The following KRT23 variants were observed in gnomAD, a reference collection of about 807,000 sequenced individuals.
KRT23 encodes the protein keratin, type I cytoskeletal 23.
A neutral mutation model predicts 47.6 loss-of-function variants in KRT23; 38 were observed. The observed-to-expected ratio is 0.80, with a 90% CI of 0.62 to 1.05. The LOEUF is 1.05. Ranked by LOEUF, KRT23 falls within the 50% of genes least tolerant of loss-of-function variation. The pLI is 0.00. For synonymous variants in KRT23, 191 were observed against 199.0 expected (o/e 0.96, Z 0.34); for missense variants, 503 against 529.5 (o/e 0.95, Z 0.49).
intron 2 of KRT23, among the ~76,000 whole-genome samples, chr17:40,932,479 A>G (rs189546958): frequency 6.6e-6 from 1 of 152,306 alleles, no homozygotes; most frequent in Non-Finnish European, 1.5e-5. Flanking sequence ...GTGCTGGACT[A>G]GAAACTTAGA....
chr17:40,931,973 G>T (rs1052030644), intron 2 of KRT23, among the ~76,000 whole-genome samples: 2 of 152,052 alleles, frequency 1.3e-5, no homozygotes, highest in African/African-American at 4.8e-5. Context: ...ATTATTTCAG[G>T]TGAACATAAT....
Position 40,936,881 on chromosome 17 carries a change from C to G in KRT23, c.-278G>C. 3 of 379,756 alleles carry G rather than the reference C, an allele frequency of 7.9e-6. No individual in the cohort carries two copies. The highest frequency in any genetic ancestry group is 4.7e-6 in the Non-Finnish European group (1 of 214,534). The allele number at this position is 379,756 out of a possible 1,614,324, so 23.5% of individuals were successfully genotyped here. A position where few individuals can be genotyped will look rare whatever the true frequency, so the allele number is the denominator to read the frequency against. On this transcript the variant is annotated 5_prime_UTR_variant, in exon 2 of 9. Transcript: ENST00000209718. ...CCCCTGGTAACCCGGAGGTGTGGCC[C>G]ACGACATCAGGCGGGTATTGGGCTC...
intron 3 of KRT23, 81 bp from the exon 4 acceptor site, chr17:40,930,177 G>T: frequency 7.5e-7 from 1 of 1,337,546 alleles, no homozygotes; most frequent in Non-Finnish European, 1.0e-6. Context: ...ATTTAGAGGT[G>T]AATCTTTTAC....
In KRT23 at chr17:40,936,437, C is replaced by A. The variant is rs200635872; in HGVS notation, c.167G>T (p.Gly56Val). The stretch of plus-strand genomic sequence containing the variant: ...GCTTCTTCCAGAACCCCAAGACCCT[C>A]CAGGGGGTGGGCAGCTCCGCGTGGT... The part of the protein sequence containing the change: ...SFTTRSCPPP[G>V]GSWGSGRSSP... The change falls in exon 2 of 9, where the codon GGA becomes GTA. Residue 56 changes from glycine (G) to valine (V), a missense_variant. By Grantham distance (109) the Gly-to-Val change is moderately radical. Coordinates refer to ENST00000209718, the MANE Select transcript of KRT23 (RefSeq NM_015515.5). 1.4e-5 allele frequency: 22 copies of A among 1,611,270 alleles called. No individual in the cohort carries two copies. The highest frequency in any genetic ancestry group is 1.9e-5 in the Non-Finnish European group (22 of 1,178,120).
chr17:40,930,068 C>T lies in KRT23; in HGVS notation c.508G>A (p.Asp170Asn). 1 of 1,614,106 alleles carries T rather than the reference C, an allele frequency of 6.2e-7. No individual in the cohort carries two copies. ...KYENEHSFKK[D>N]LEIEVEGLRR... is the part of the protein sequence containing the mutation. ...AGGCCCTCGACTTCAATTTCCAAGT[C>T]TTTCTTAAAGGAGTGTTCATTTTCA... Residue 170 changes from aspartate to asparagine, a missense_variant, in exon 4 of 9, where the codon GAC becomes AAC. Transcript: ENST00000209718.
rs766982818 is a variant in KRT23, at chr17:40,925,386, C to CGTGGT, written c.1105_1109dup (p.Tyr371ProfsTer22). ...TCTCTCCCTCCAGGAGCCGTCGGTA[C>CGTGGT]GTGGTGATTTCCTTCTCCAGGTGGG... is the stretch of plus-strand genomic sequence containing the variant. On this transcript the variant is annotated frameshift_variant, in exon 7 of 9. Coordinates refer to ENST00000209718, the MANE Select transcript of KRT23 (RefSeq NM_015515.5). LOFTEE classifies it high-confidence loss of function. The CGTGGT allele has an allele frequency of 2.5e-6, 4 of 1,613,798 alleles. No individual in the cohort carries two copies. In the Admixed American group the frequency reaches 6.7e-5, roughly 27 times the overall value.
chr17:40,924,860 T>C (rs923350526), intron 7 of KRT23, among the ~76,000 whole-genome samples: 6 of 152,232 alleles, frequency 3.9e-5, no homozygotes, highest in African/African-American at 1.4e-4. Context: ...TTTATTTATG[T>C]ATTTTTATAA....
At chr17:40,936,123 AT>A in intron 2 of KRT23, 84 bp downstream of exon 2, 1 of 1,454,160 alleles carries the variant, frequency 6.9e-7, no homozygotes, top group Non-Finnish European at 9.4e-7. Context: ...TTTCCTGGAA[AT>A]TGTCTTCTGG....
Position 40,930,050 on chromosome 17 carries a change from C to G in KRT23, c.526G>C (p.Glu176Gln), listed in dbSNP as rs1354811042. 3 of 1,613,948 alleles carry G rather than the reference C, an allele frequency of 1.9e-6. No individual in the cohort carries two copies. In the African/African-American group the frequency reaches 4.0e-5, roughly 22 times the overall value. ...TTGTCTAAGGTCCTTCGGAGGCCCT[C>G]GACTTCAATTTCCAAGTCTTTCTTA... The part of the protein sequence containing the change: ...SFKKDLEIEV[E>Q]GLRRTLDNLT... Residue 176 changes from glutamate (E) to glutamine (Q), a missense_variant, in exon 4 of 9, where the codon GAG (glutamate) becomes CAG (glutamine). Coordinates refer to ENST00000209718, the MANE Select transcript of KRT23 (RefSeq NM_015515.5).
chr17:40,928,417 T>A, intron 5 of KRT23, 29 bp downstream of exon 5: 1 of 1,614,034 alleles, frequency 6.2e-7, no homozygotes. Flanking sequence ...AAATGCAACC[T>A]TTGGGAAGTT....
At chr17:40,934,046 A>G (rs1279898230) in intron 2 of KRT23, among the ~76,000 whole-genome samples, 1 of 152,202 alleles carries the variant, frequency 6.6e-6, no homozygotes. Flanking sequence ...ACTGTGTCCA[A>G]TTCTGGATTT....
chr17:40,931,346 G>A (rs529531179), intron 3 of KRT23, 27 bp downstream of exon 3: 7 of 1,555,530 alleles, frequency 4.5e-6, no homozygotes, highest in South Asian at 2.2e-5. Context: ...ACAAAAACCC[G>A]AACAACCCTG....
At chr17:40,925,198 T>C (rs539830553) in intron 7 of KRT23, 156 bp downstream of exon 7, 1 of 628,196 alleles carries the variant, frequency 1.6e-6, no homozygotes, top group Non-Finnish European at 2.9e-6. Context: ...TGCTGCTTAG[T>C]GAAATACAGC....
Position 40,928,783 on chromosome 17 carries a change from A to G in KRT23, c.637-176T>C, listed in dbSNP as rs1909415846. On this transcript the variant is annotated intron_variant, in intron 4 of 8. Transcript: ENST00000209718. ...ACTTGTTGGTGATAAAACATTGTATACTTTTTTCTCTAATAATTTTATAAA... is the reference window on the plus strand; with the variant it reads ...ACTTGTTGGTGATAAAACATTGTATGCTTTTTTCTCTAATAATTTTATAAA... The G allele has an allele frequency of 5.3e-6, 3 of 560,924 alleles. No individual in the cohort carries two copies. In the South Asian group the frequency reaches 8.2e-5, roughly 15 times the overall value. The allele number at this position is 560,924 out of a possible 1,614,324, so 34.7% of individuals were successfully genotyped here. A position where few individuals can be genotyped will look rare whatever the true frequency, so the allele number is the denominator to read the frequency against.
chr17:40,926,347 C>T (rs990245002), intron 6 of KRT23, among the ~76,000 whole-genome samples: 4 of 152,222 alleles, frequency 2.6e-5, no homozygotes, highest in African/African-American at 9.7e-5. Context: ...GTTCATGCTG[C>T]CTGGCGGTTA....
chr17:40,933,515 T>G (rs1909839404), intron 2 of KRT23, among the ~76,000 whole-genome samples: 2 of 152,236 alleles, frequency 1.3e-5, no homozygotes, highest in Non-Finnish European at 2.9e-5. Context: ...CACTATGAGG[T>G]GTTAATCTAC....
intron 7 of KRT23, 60 bp downstream of exon 7, chr17:40,925,294 A>G (rs2269860): frequency 0.35 from 502,168 of 1,427,684 alleles, 91,265 homozygotes; most frequent in East Asian, 0.57. Context: ...AGATGCACAC[A>G]TATACCCACA....
rs1306258877 is a variant in KRT23 at position 40,937,579 on chromosome 17, T to C, written c.-584A>G. 1 of 152,260 alleles carries C rather than the reference T, an allele frequency of 6.6e-6. No individual in the cohort carries two copies. Among genetic ancestry groups the C allele is most frequent in the Non-Finnish European group, 1.5e-5 (1 of 68,060 alleles). 9.4% of individuals were successfully genotyped at this position (152,260 alleles called of 1,614,324 possible). On this transcript the variant is annotated 5_prime_UTR_variant, in exon 1 of 9. It removes an upstream start codon present in the reference 5' UTR. Coordinates refer to ENST00000209718, the MANE Select transcript of KRT23 (RefSeq NM_015515.5). ...TGTGGTTGATGAATCTTATATTTCA[T>C]CTGCCAAGGTAAAGGTTAGGAATGA...
rs1481810287 is a variant in KRT23 at position 40,936,268 on chromosome 17, A to G, written c.336T>C (p.Asp112=). 1.9e-6 allele frequency: 3 copies of G among 1,614,176 alleles called. No individual in the cohort carries two copies. In the South Asian group the frequency reaches 3.3e-5, roughly 18 times the overall value. The change falls in exon 2 of 9, where the codon GAT becomes GAC. Residue 112 remains aspartate, a synonymous_variant. Transcript: ENST00000209718. ...GGGAATAATCTTTCTTACTGCCAGG[A>G]TCTCTCTGCTGGTGCCATTTCAGGA... ...SRILKWHQQR[D]PGSKKDYSQY...
Sources: allele counts gnomAD v4.1 joint callset (sites outside exome capture counted in the v4.1 genomes callset), GRCh38; gene constraint gnomAD v4.1.1; transcripts MANE v1.5; gene names NCBI Gene and HGNC (gene_info 2026-07-23, HGNC 2026-07-21).